GABBR2: variants seen among roughly 807,000 people sequenced by gnomAD.
GABBR2 encodes the protein gamma-aminobutyric acid type B receptor subunit 2.
Under a neutral mutation model 105.6 loss-of-function variants are expected in GABBR2, and 23 were observed. The observed-to-expected ratio is 0.22, with a 90% CI of 0.16 to 0.31. The LOEUF (loss-of-function observed/expected upper bound fraction) is 0.31. GABBR2 is among the 10% of genes least tolerant of loss of function. The probability of loss-of-function intolerance (pLI) is 1.00; values close to 1 mark genes in which losing one functional copy is unlikely to be tolerated. For missense variants in GABBR2, 734 were observed against 1,245.5 expected, an observed-to-expected ratio of 0.59 and a Z score of 6.18; for synonymous variants, 478 against 499.7, an observed-to-expected ratio of 0.96 and a Z score of 0.58.
chr9:98,412,906 G>T (rs754529179), intron 7 of GABBR2, among the ~76,000 whole-genome samples: 3 of 152,220 alleles, frequency 2.0e-5, no homozygotes, highest in African/African-American at 4.8e-5. Flanking sequence ...ATCAGCATTG[G>T]ATCAGAGCCT....
intron 12 of GABBR2, among the ~76,000 whole-genome samples, chr9:98,369,584 G>A (rs1410331704): frequency 6.6e-6 from 1 of 152,228 alleles, no homozygotes; most frequent in Admixed American, 6.5e-5. Flanking sequence ...GCAGAGCCTA[G>A]AACTCCAGGC....
intron 11 of GABBR2, among the ~76,000 whole-genome samples, chr9:98,378,336 G>A (rs957339373): frequency 3.9e-5 from 6 of 152,126 alleles, no homozygotes; most frequent in Non-Finnish European, 8.8e-5. Flanking sequence ...CCGAAGGGGT[G>A]CTTCGGGACT....
At chr9:98,644,108 A>G (rs1206831405) in intron 1 of GABBR2, among the ~76,000 whole-genome samples, 1 of 152,206 alleles carries the variant, frequency 6.6e-6, no homozygotes, top group African/African-American at 2.4e-5. Context: ...TGGAAAGCGG[A>G]GCGATGACCC....
chr9:98,482,839 C>G (rs1272986639), intron 4 of GABBR2, among the ~76,000 whole-genome samples: 1 of 152,024 alleles, frequency 6.6e-6, no homozygotes, highest in Non-Finnish European at 1.5e-5. Context: ...CTGCTGGCTC[C>G]CCTCGTGCCT....
intron 3 of GABBR2, among the ~76,000 whole-genome samples, chr9:98,517,704 C>T (rs1827784869): frequency 6.6e-6 from 1 of 152,220 alleles, no homozygotes; most frequent in South Asian, 2.1e-4. Flanking sequence ...CCTGCCCTGC[C>T]CTGCCCTGCT....
At chr9:98,524,809 T>TA (rs1042925521) in intron 3 of GABBR2, among the ~76,000 whole-genome samples, 1 of 151,900 alleles carries the variant, frequency 6.6e-6, no homozygotes, top group Non-Finnish European at 1.5e-5. Context: ...CTAAGTCAGA[T>TA]AAAATCCCTC....
intron 2 of GABBR2, among the ~76,000 whole-genome samples, chr9:98,564,722 A>G (rs1828725366): frequency 6.6e-6 from 1 of 152,194 alleles, no homozygotes; most frequent in Admixed American, 6.5e-5. Context: ...ACTTGAGGCA[A>G]GGCCCTTGGG....
intron 3 of GABBR2, among the ~76,000 whole-genome samples, chr9:98,532,017 G>A (rs989786695): frequency 6.6e-6 from 1 of 152,134 alleles, no homozygotes; most frequent in Non-Finnish European, 1.5e-5. Context: ...TCAATTGAAC[G>A]GTGTCACTTT....
intron 3 of GABBR2, among the ~76,000 whole-genome samples, chr9:98,524,679 A>G (rs1827926649): frequency 6.6e-6 from 1 of 152,158 alleles, no homozygotes; most frequent in African/African-American, 2.4e-5. Context: ...CATTCATTCC[A>G]TCAGGAAATC....
rs145165541 is a variant in GABBR2 at position 98,288,795 on chromosome 9, C to T, written c.*1789G>A. On this transcript the variant is annotated 3_prime_UTR_variant, in exon 19 of 19. Coordinates refer to ENST00000259455, the MANE Select transcript of GABBR2 (RefSeq NM_005458.8). ...ATAACCTCTCTTTGGGGAAGGGGAGCAGAAAGCTATGCTACGTGAAATAGG... is the reference window on the plus strand; with the variant it reads ...ATAACCTCTCTTTGGGGAAGGGGAGTAGAAAGCTATGCTACGTGAAATAGG... 1,204 of 152,608 alleles carry T rather than the reference C, an allele frequency of 7.9e-3. 5 individuals carry two copies. The highest frequency in any genetic ancestry group is 0.012 in the Non-Finnish European group (805 of 68,016). 9.5% of individuals were successfully genotyped at this position (152,608 alleles called of 1,614,324 possible).
rs1359612326 is a variant in GABBR2 at position 98,388,548 on chromosome 9, G to A, written c.1529+306C>T. Among the ~76,000 whole-genome samples, 2 of 151,806 alleles carry A rather than the reference G, an allele frequency of 1.3e-5. No individual in the cohort carries two copies. The highest frequency in any genetic ancestry group is 2.9e-5 in the Non-Finnish European group (2 of 67,966). ...AAGCTCTGAGAAGGCCCGTGGACTT[G>A]GACTCTTCGATTTTATTTAACTTCC... On this transcript the variant is annotated intron_variant, in intron 10 of 18. Transcript: ENST00000259455. The surrounding 1 kb of genome is among the most constrained non-coding windows in gnomAD (Gnocchi z 4.4).
chr9:98,572,520 A>G (rs1367736999), intron 2 of GABBR2, among the ~76,000 whole-genome samples: 1 of 152,204 alleles, frequency 6.6e-6, no homozygotes, highest in Non-Finnish European at 1.5e-5. Context: ...TGAGTAAGTT[A>G]AGAGATTTAT....
At chr9:98,416,394 T>C (rs1198625447) in intron 7 of GABBR2, among the ~76,000 whole-genome samples, 1 of 152,220 alleles carries the variant, frequency 6.6e-6, no homozygotes, top group Non-Finnish European at 1.5e-5. Context: ...ATTTACCTAC[T>C]GTTTCTCAGC....
At chr9:98,602,386 C>A (rs1449593450) in intron 1 of GABBR2, among the ~76,000 whole-genome samples, 2 of 150,230 alleles carry the variant, frequency 1.3e-5, no homozygotes, top group Non-Finnish European at 3.0e-5. Context: ...GCAGGAGAAT[C>A]GCTTGAACCC....
intron 13 of GABBR2, among the ~76,000 whole-genome samples, chr9:98,361,807 A>C (rs1027802981): frequency 5.9e-5 from 9 of 152,160 alleles, no homozygotes; most frequent in Non-Finnish European, 1.0e-4. Flanking sequence ...GCTGCTCTGA[A>C]TGCATGCATA....
At chr9:98,330,837 T>A (rs774592214) in intron 13 of GABBR2, among the ~76,000 whole-genome samples, 2 of 152,210 alleles carry the variant, frequency 1.3e-5, no homozygotes, top group African/African-American at 2.4e-5. Context: ...TGCTGTGCAA[T>A]TAGCACGGCT....
At chr9:98,693,040 G>A (rs1204650242) in intron 1 of GABBR2, among the ~76,000 whole-genome samples, 1 of 152,140 alleles carries the variant, frequency 6.6e-6, no homozygotes, top group Non-Finnish European at 1.5e-5. Flanking sequence ...TCGACCCCCG[G>A]CGTGGCCTAT....
At chr9:98,612,740 C>A (rs1305330139) in intron 1 of GABBR2, among the ~76,000 whole-genome samples, 1 of 152,140 alleles carries the variant, frequency 6.6e-6, no homozygotes, top group Non-Finnish European at 1.5e-5. Flanking sequence ...AAAACCACAA[C>A]ATGGTAAGTG....
At chr9:98,406,772 G>T (rs917308017) in intron 7 of GABBR2, among the ~76,000 whole-genome samples, 1 of 152,234 alleles carries the variant, frequency 6.6e-6, no homozygotes, top group African/African-American at 2.4e-5. Context: ...GACCTTGGGG[G>T]CTAAACATAG....
Sources: gnomAD v4.1 joint callset for allele counts (sites outside exome capture counted in the v4.1 genomes callset) on GRCh38, gnomAD v4.1.1 for gene constraint, Gnocchi (gnomAD v3.1) non-coding constraint, MANE v1.5 for transcripts, NCBI Gene and HGNC (gene_info 2026-07-23, HGNC 2026-07-21) for gene names.